The following DDR2 variants were observed in gnomAD, a reference collection of about 807,000 sequenced individuals.
DDR2 encodes discoidin domain-containing receptor 2.
Under a neutral mutation model 94.9 loss-of-function variants are expected in DDR2, and 27 were observed. The ratio of observed to expected loss-of-function variants is 0.28; its 90% CI spans 0.21 to 0.39. DDR2 has a LOEUF of 0.39. Ranked by LOEUF, DDR2 falls within the 10% of genes least tolerant of loss-of-function variation. DDR2 has a pLI of 1.00. For missense variants in DDR2, 783 were observed against 1,076.0 expected, an observed-to-expected ratio of 0.73 and a Z score of 3.81; for synonymous variants, 382 against 377.2, an observed-to-expected ratio of 1.01 and a Z score of -0.15.
At position 162,767,126 on chromosome 1, in the gene DDR2, C is replaced by T; in HGVS notation, c.1163-103C>T. ...TTAAGGTGGCATCTTCCATAATTAT[C>T]CTCAAGGAACAGGGTCTACCTCCAT... On this transcript the variant is annotated intron_variant, in intron 10 of 17. Transcript: ENST00000367921. 1.3e-5 allele frequency: 20 copies of T among 1,537,692 alleles called. No individual in the cohort carries two copies. The South Asian group carries it at 2.2e-4, about 17-fold the overall frequency.
At chr1:162,676,544 A>G (rs979789167) in intron 2 of DDR2, among the ~76,000 whole-genome samples, 1 of 152,240 alleles carries the variant, frequency 6.6e-6, no homozygotes, top group Non-Finnish European at 1.5e-5. Context: ...AAGAATAGGC[A>G]CACTTTTATA....
chr1:162,715,861 C>T (rs1289998666), intron 2 of DDR2, among the ~76,000 whole-genome samples: 4 of 152,158 alleles, frequency 2.6e-5, no homozygotes, highest in African/African-American at 9.7e-5. Context: ...AGCTGACAGT[C>T]ATCTAATTTT....
chr1:162,747,328 G>C (rs1662927828), intron 3 of DDR2, among the ~76,000 whole-genome samples: 2 of 152,170 alleles, frequency 1.3e-5, no homozygotes, highest in Non-Finnish European at 2.9e-5. Context: ...GACCTTAAGT[G>C]ACCTGGTGGA....
At position 162,701,917 on chromosome 1, in the gene DDR2, A is replaced by G. The variant is rs1660449975; in HGVS notation, c.-27-17120A>G. ...CCCAGTGTAGTTTTCTTTTTTCTGC[A>G]TGAAACATTCGAAGGTCTTTCAGTA... On this transcript the variant is annotated intron_variant, in intron 2 of 17. Transcript: ENST00000367921. Among the ~76,000 whole-genome samples the G allele has an allele frequency of 2.0e-5, 3 of 152,180 alleles. No homozygotes were observed. The South Asian group carries it at 6.2e-4, about 32-fold the overall frequency.
chr1:162,632,878 C>T (rs1656628502), intron 1 of DDR2, among the ~76,000 whole-genome samples: 2 of 151,982 alleles, frequency 1.3e-5, no homozygotes, highest in African/African-American at 4.8e-5. Flanking sequence ...AAGCCTGAAG[C>T]AAAATAAATG....
intron 3 of DDR2, among the ~76,000 whole-genome samples, chr1:162,719,922 G>A (rs1046491002): frequency 3.9e-5 from 6 of 152,082 alleles, no homozygotes; most frequent in Non-Finnish European, 5.9e-5. Flanking sequence ...GCTGTGTTCT[G>A]TTTCATCCTC....
In DDR2 at chr1:162,780,405, C is replaced by A. The variant is rs1217194554; in HGVS notation, c.*159C>A. On this transcript the variant is annotated 3_prime_UTR_variant, in exon 18 of 18. Transcript: ENST00000367921. ...TTCCTGGTCACCCCCACTCCCTACC[C>A]CTGACTCATATACACTTTTTTTTTT... 5.8e-6 allele frequency: 6 copies of A among 1,028,074 alleles called. No homozygotes were observed. Among genetic ancestry groups the A allele is most frequent in the African/African-American group, 1.7e-5 (1 of 58,236 alleles). The allele number at this position is 1,028,074 out of a possible 1,614,324, so 63.7% of individuals were successfully genotyped here. A position where few individuals can be genotyped will look rare whatever the true frequency, so the allele number is the denominator to read the frequency against.
intron 13 of DDR2, 89 bp downstream of exon 13, chr1:162,772,336 A>T: frequency 7.7e-7 from 1 of 1,295,786 alleles, no homozygotes. Context: ...CCAGAGGTGG[A>T]TTCACAACAG....
chr1:162,681,781 A>G (rs1002256855), intron 2 of DDR2, among the ~76,000 whole-genome samples: 1 of 152,202 alleles, frequency 6.6e-6, no homozygotes, highest in African/African-American at 2.4e-5. Flanking sequence ...TCCAAATGCC[A>G]TGACTTTGGG....
chr1:162,766,005 T>A lies in DDR2; in HGVS notation c.1104T>A (p.Ala368=). The A allele has an allele frequency of 6.2e-7, 1 of 1,613,996 alleles. No homozygotes were observed. ...MFSEITFQSD[A]AMYNNSEALP... Reference sequence around the variant, plus strand: ...CTCACCCTTGTTTTATAACAGATGCTGCAATGTACAACAACTCTGAAGCCC... The same window carrying A: ...CTCACCCTTGTTTTATAACAGATGCAGCAATGTACAACAACTCTGAAGCCC... Residue 368 remains alanine (A), a synonymous_variant, in exon 10 of 18, where the codon GCT becomes GCA. Coordinates refer to ENST00000367921, the MANE Select transcript of DDR2 (RefSeq NM_006182.4).
intron 2 of DDR2, among the ~76,000 whole-genome samples, chr1:162,662,930 G>A (rs1456820745): frequency 1.3e-5 from 2 of 152,196 alleles, no homozygotes; most frequent in South Asian, 2.1e-4. Flanking sequence ...CACAGTTTGG[G>A]TGTGTGGGGT....
At chr1:162,674,259 C>A (rs771305002) in intron 2 of DDR2, among the ~76,000 whole-genome samples, 3 of 152,082 alleles carry the variant, frequency 2.0e-5, no homozygotes, top group Non-Finnish European at 4.4e-5. Context: ...CTTGTTTCAC[C>A]CTCCAGAACC....
At chr1:162,647,938 C>T (rs568675767) in intron 1 of DDR2, among the ~76,000 whole-genome samples, 2 of 152,234 alleles carry the variant, frequency 1.3e-5, no homozygotes, top group South Asian at 4.1e-4. Flanking sequence ...CCTTAACCTC[C>T]TGGGAATGCC....
At chr1:162,761,732 T>G (rs1043980614) in intron 9 of DDR2, among the ~76,000 whole-genome samples, 1 of 152,178 alleles carries the variant, frequency 6.6e-6, no homozygotes, top group African/African-American at 2.4e-5. Context: ...TTAAGGTAGT[T>G]AACGAGTGCG....
Position 162,636,999 on chromosome 1 carries a change from A to T in DDR2, c.-192+4368A>T, listed in dbSNP as rs143556079. Among the ~76,000 whole-genome samples the T allele has an allele frequency of 1.5e-3, 230 of 152,260 alleles. 4 individuals carry two copies. Among genetic ancestry groups the T allele is most frequent in the African/African-American group, 5.2e-3 (215 of 41,548 alleles). ...TTGAATAGTGGTGATTTAAAAAAAA[A>T]TCGCAGGTATATTTTTTATCTATTA... On this transcript the variant is annotated intron_variant, in intron 1 of 17. Transcript: ENST00000367921.
intron 2 of DDR2, among the ~76,000 whole-genome samples, chr1:162,699,986 G>A (rs72711557): frequency 0.11 from 17,087 of 152,084 alleles, 989 homozygotes; most frequent in East Asian, 0.2. Flanking sequence ...GATTTCCCAT[G>A]CATGCCCTAA....
intron 2 of DDR2, among the ~76,000 whole-genome samples, chr1:162,658,207 T>C (rs959470020): frequency 7.9e-5 from 12 of 152,208 alleles, no homozygotes; most frequent in African/African-American, 2.7e-4. Flanking sequence ...CCTGGTTTTA[T>C]GTATTCTGCT....
At chr1:162,744,629 C>T (rs1662763337) in intron 3 of DDR2, among the ~76,000 whole-genome samples, 1 of 152,230 alleles carries the variant, frequency 6.6e-6, no homozygotes, top group East Asian at 1.9e-4. Flanking sequence ...AAACCATCAT[C>T]TACATTAGGT....
intron 2 of DDR2, among the ~76,000 whole-genome samples, chr1:162,712,048 T>A (rs1221318083): frequency 1.3e-5 from 2 of 151,856 alleles, no homozygotes; most frequent in Non-Finnish European, 2.9e-5. Context: ...AGGTCAAAAA[T>A]CATTTCAGCA....
Sources: gnomAD v4.1 joint callset for allele counts (sites outside exome capture counted in the v4.1 genomes callset) on GRCh38, gnomAD v4.1.1 for gene constraint, MANE v1.5 for transcripts, NCBI Gene and HGNC (gene_info 2026-07-23, HGNC 2026-07-21) for gene names.